The following DNAH3 variants were observed in gnomAD, a reference collection of about 807,000 sequenced individuals.
DNAH3 encodes the protein axonemal beta dynein heavy chain 3.
A neutral mutation model predicts 432.5 loss-of-function variants in DNAH3; 332 were observed. The ratio of observed to expected loss-of-function variants is 0.77; its 90% confidence interval spans 0.70 to 0.84. The LOEUF is 0.84. Ranked by LOEUF, DNAH3 falls within the 40% of genes least tolerant of loss-of-function variation. The probability of loss-of-function intolerance (pLI) is 0.00; values close to 1 mark genes in which losing one functional copy is unlikely to be tolerated. For missense variants in DNAH3, 4,861 were observed against 5,114.0 expected (o/e 0.95, Z 1.51); for synonymous variants, 1,956 against 1,900.2 (o/e 1.03, Z -0.76).
At chr16:20,936,202 G>A (rs188323314) in intron 60 of DNAH3, among the ~76,000 whole-genome samples, 7 of 152,004 alleles carry the variant, frequency 4.6e-5, no homozygotes, top group Admixed American at 3.3e-4. Context: ...GCCCAGGCTG[G>A]AGTGAAATGG....
chr16:21,070,691 C>T lies in DNAH3; in HGVS notation c.3201+19G>A. Reference sequence around the variant, plus strand: ...AGCTAACGAAACACCTCAAAGCATTCAACTTCATTTCCTCTTACCCGGCAT... The same window carrying T: ...AGCTAACGAAACACCTCAAAGCATTTAACTTCATTTCCTCTTACCCGGCAT... On this transcript the variant is annotated intron_variant, in intron 22 of 61. Coordinates refer to ENST00000261383, the Ensembl canonical transcript of DNAH3. 1.3e-6 allele frequency: 2 copies of T among 1,534,512 alleles called. No individual in the cohort carries two copies. Among genetic ancestry groups the T allele is most frequent in the Non-Finnish European group, 1.8e-6 (2 of 1,107,646 alleles).
intron 52 of DNAH3, 30 bp downstream of exon 52, chr16:20,969,762 G>C (rs750728828): frequency 4.3e-6 from 7 of 1,612,908 alleles, no homozygotes; most frequent in Non-Finnish European, 5.9e-6. Flanking sequence ...AGAGCAGCCT[G>C]TGCAGGCATC....
At chr16:20,935,246 T>C in intron 61 of DNAH3, 102 bp downstream of exon 61, 1 of 1,387,912 alleles carries the variant, frequency 7.2e-7, no homozygotes, top group Non-Finnish European at 1.0e-6. Context: ...TTCAGAAGCA[T>C]TTGGGTCTTA....
At chr16:20,942,230 G>A (rs532052074) in intron 58 of DNAH3, among the ~76,000 whole-genome samples, 1 of 152,346 alleles carries the variant, frequency 6.6e-6, no homozygotes, top group East Asian at 1.9e-4. Context: ...GACCCCTGAG[G>A]ATTAGCTCCT....
chr16:20,963,112 G>T (rs1263235360), intron 53 of DNAH3, among the ~76,000 whole-genome samples, 172 bp downstream of exon 53: 2 of 152,198 alleles, frequency 1.3e-5, no homozygotes, highest in East Asian at 1.9e-4. Context: ...CGGAGTAGCA[G>T]CTGACCTCTA....
At chr16:21,140,810 T>C in intron 4 of DNAH3, 100 bp from the exon 6 acceptor site, 9 of 1,057,156 alleles carry the variant, frequency 8.5e-6, no homozygotes, top group Non-Finnish European at 1.2e-5. Context: ...GTTCTGCAAA[T>C]AGAAGCCTCT....
chr16:21,032,801 ATAAT>A (rs2088956279), intron 36 of DNAH3, among the ~76,000 whole-genome samples: 1 of 152,148 alleles, frequency 6.6e-6, no homozygotes. Context: ...ACCATTAAAA[ATAAT>A]TAAATAAATA....
chr16:20,965,491 T>G, intron 52 of DNAH3, 66 bp from the exon 53 acceptor site: 1 of 1,313,978 alleles, frequency 7.6e-7, no homozygotes, highest in Non-Finnish European at 1.0e-6. Flanking sequence ...AATTCTGCAG[T>G]GGTTACTGCT....
At chr16:20,954,159 G>A (rs1015324398) in intron 55 of DNAH3, among the ~76,000 whole-genome samples, 2 of 149,706 alleles carry the variant, frequency 1.3e-5, no homozygotes, top group African/African-American at 4.9e-5. Flanking sequence ...AGAGGTGGAG[G>A]TTGCAATGAG....
intron 1 of DNAH3, among the ~76,000 whole-genome samples, chr16:21,152,181 C>T (rs1308499725): frequency 6.6e-6 from 1 of 151,820 alleles, no homozygotes; most frequent in Non-Finnish European, 1.5e-5. Context: ...GCAGTGAGCA[C>T]AGATCATGCC....
intron 38 of DNAH3, among the ~76,000 whole-genome samples, chr16:21,026,695 C>T (rs1392348244): frequency 6.2e-5 from 7 of 112,240 alleles, no homozygotes; most frequent in African/African-American, 1.2e-4. Context: ...AGTGATACTC[C>T]GTCTCAAAAA....
intron 22 of DNAH3, among the ~76,000 whole-genome samples, chr16:21,069,846 T>C (rs2090717883): frequency 6.6e-6 from 1 of 152,346 alleles, no homozygotes; most frequent in African/African-American, 2.4e-5. Flanking sequence ...ACAATAGTTA[T>C]ACACGTAATC....
chr16:21,028,608 C>G (rs1176203599), intron 37 of DNAH3, among the ~76,000 whole-genome samples: 2 of 149,652 alleles, frequency 1.3e-5, no homozygotes, highest in African/African-American at 2.5e-5. Context: ...GAGCTGAGAT[C>G]GTGCCACTGC....
chr16:21,035,547 CGGATGGA>C (rs938523459), intron 35 of DNAH3, among the ~76,000 whole-genome samples: 20 of 148,452 alleles, frequency 1.3e-4, no homozygotes, highest in African/African-American at 4.8e-4. Context: ...GATGGATGGA[CGGATGGA>C]TAAAAAATAA....
chr16:20,959,330 C>T, exon 54 of DNAH3: 1 of 1,614,134 alleles, frequency 6.2e-7, no homozygotes, highest in Non-Finnish European at 8.5e-7. Flanking sequence ...GCAATAGGGC[C>T]TTGGCCTTGG....
At chr16:21,159,366 C>A (rs1477280453) in exon 1 of DNAH3, 4 of 1,614,148 alleles carry the variant, frequency 2.5e-6, no homozygotes, top group Non-Finnish European at 3.4e-6. Context: ...GTCTCCCTGG[C>A]TTTTGAACGC....
Position 21,139,320 on chromosome 16 carries a change from C to CTTT in DNAH3, c.696+1213_696+1215dup, listed in dbSNP as rs9302391. ...AATGTAGCTTGAGACTTTCCTCATG[C>CTTT]TTTTTTTTTTTTTTTTTTTTTTTTT... is the stretch of plus-strand genomic sequence containing the variant. On this transcript the variant is annotated intron_variant, in intron 5 of 61. Transcript: ENST00000261383. 5.4e-3 allele frequency among the ~76,000 whole-genome samples: 159 copies of CTTT among 29,624 alleles called. 52 individuals are homozygous for CTTT. Among genetic ancestry groups the CTTT allele is most frequent in the African/African-American group, 0.024 (149 of 6,106 alleles). The allele number at this position is 29,624 out of a possible 152,430, so 19.4% of individuals were successfully genotyped here. A position where few individuals can be genotyped will look rare whatever the true frequency, so the allele number is the denominator to read the frequency against.
chr16:20,982,041 CAT>C (rs958582794), intron 49 of DNAH3, among the ~76,000 whole-genome samples: 2 of 147,934 alleles, frequency 1.4e-5, no homozygotes, highest in African/African-American at 2.5e-5. Flanking sequence ...TAATAAAGCA[CAT>C]ATATATATGT....
chr16:21,122,171 C>CA (rs2092357440), intron 9 of DNAH3, 47 bp from the exon 11 acceptor site: 1 of 1,515,628 alleles, frequency 6.6e-7, no homozygotes, highest in Non-Finnish European at 8.9e-7. Flanking sequence ...TTGGGCCTTC[C>CA]AAAATCAAGG....
Sources: gnomAD v4.1 joint callset for allele counts (sites outside exome capture counted in the v4.1 genomes callset) on GRCh38, gnomAD v4.1.1 for gene constraint, MANE v1.5 for transcripts, NCBI Gene and HGNC (gene_info 2026-07-23, HGNC 2026-07-21) for gene names.